The following ATP8A2 variants were observed in gnomAD, a reference collection of about 807,000 sequenced individuals.
ATP8A2 encodes the protein phospholipid-transporting ATPase IB.
In ATP8A2, 100 loss-of-function variants were observed where a neutral mutation model predicts 165.6. The ratio of observed to expected loss-of-function variants is 0.60; its 90% CI spans 0.51 to 0.71. The LOEUF (loss-of-function observed/expected upper bound fraction) is 0.71, where lower values mean the gene tolerates loss of function less well. ATP8A2 is among the 30% of genes least tolerant of loss of function. The pLI is 0.00. For synonymous variants in ATP8A2, 543 were observed against 548.8 expected, an observed-to-expected ratio of 0.99 and a Z score of 0.15; for missense variants, 1,227 against 1,479.5, an observed-to-expected ratio of 0.83 and a Z score of 2.80.
At chr13:25,956,175 C>T (rs1250478036) in intron 33 of ATP8A2, among the ~76,000 whole-genome samples, 1 of 152,168 alleles carries the variant, frequency 6.6e-6, no homozygotes, top group Non-Finnish European at 1.5e-5. Context: ...ACTGAATGGG[C>T]AAAAGCTGGA....
intron 2 of ATP8A2, among the ~76,000 whole-genome samples, chr13:25,519,123 C>T (rs1022810342): frequency 2.0e-5 from 3 of 152,150 alleles, no homozygotes; most frequent in Non-Finnish European, 4.4e-5. Flanking sequence ...GCTCTCCCAC[C>T]TTGGCGTTTC....
At chr13:25,794,021 A>G (rs1950445862) in intron 27 of ATP8A2, among the ~76,000 whole-genome samples, 2 of 152,202 alleles carry the variant, frequency 1.3e-5, no homozygotes, top group Non-Finnish European at 1.5e-5. Context: ...CGTCATCAAT[A>G]CATCATCCCT....
intron 1 of ATP8A2, among the ~76,000 whole-genome samples, chr13:25,386,773 G>A (rs989629060): frequency 1.1e-4 from 16 of 152,160 alleles, no homozygotes; most frequent in Non-Finnish European, 7.4e-5. Flanking sequence ...TGAGGCGGGC[G>A]GATCACAAGG....
At chr13:25,718,387 A>ATT (rs11418446) in intron 25 of ATP8A2, among the ~76,000 whole-genome samples, 4 of 151,474 alleles carry the variant, frequency 2.6e-5, no homozygotes, top group African/African-American at 9.7e-5. Context: ...TTTGCTATTC[A>ATT]TTTTTTTTCC....
chr13:25,374,302 T>A (rs1034703927), intron 1 of ATP8A2, among the ~76,000 whole-genome samples: 3 of 152,186 alleles, frequency 2.0e-5, no homozygotes, highest in Non-Finnish European at 2.9e-5. Context: ...ACTGGTGATC[T>A]TGAAAAGAGC....
chr13:25,850,402 A>G (rs1456028939), intron 30 of ATP8A2, among the ~76,000 whole-genome samples: 1 of 65,534 alleles, frequency 1.5e-5, no homozygotes, highest in African/African-American at 6.3e-5. Context: ...TCATCAGCTC[A>G]CCTTTCCACC....
chr13:25,374,672 T>C (rs184666516), intron 1 of ATP8A2, among the ~76,000 whole-genome samples: 1 of 152,236 alleles, frequency 6.6e-6, no homozygotes, highest in African/African-American at 2.4e-5. Flanking sequence ...TTGCTGATGA[T>C]AGGCTGAAAG....
In ATP8A2 at chr13:25,529,989, G is replaced by T; in HGVS notation, c.222-10G>T. The stretch of plus-strand genomic sequence containing the variant: ...ATAACTGATAGTATTATTTTTCTTT[G>T]CACTTACAGTACGGCCAAGTACAGC... On this transcript the variant is annotated splice_polypyrimidine_tract_variant and intron_variant, in intron 2 of 36. Transcript: ENST00000381655. The T allele has an allele frequency of 6.5e-7, 1 of 1,540,884 alleles. No individual in the cohort carries two copies. Among genetic ancestry groups the T allele is most frequent in the Non-Finnish European group, 8.9e-7 (1 of 1,117,578 alleles).
chr13:25,967,455 G>A (rs1955804413), intron 34 of ATP8A2, among the ~76,000 whole-genome samples: 2 of 152,090 alleles, frequency 1.3e-5, no homozygotes, highest in African/African-American at 4.8e-5. Context: ...GTGGAGGGTG[G>A]GTGAGGTGGT....
In ATP8A2 at chr13:25,983,963, T is replaced by C. The variant is rs74241254; in HGVS notation, c.3377+15284T>C. On this transcript the variant is annotated intron_variant, in intron 35 of 36. Coordinates refer to ENST00000381655, the MANE Select transcript of ATP8A2 (RefSeq NM_016529.6). The stretch of plus-strand genomic sequence containing the variant: ...AAAGTTATCTGGAGCCTGGGTGCAG[T>C]GGCTCACACCTATCATCCAAGCACT... Among the ~76,000 whole-genome samples the C allele has an allele frequency of 7.2e-4, 110 of 152,192 alleles. No individual in the cohort carries two copies. In the East Asian group the frequency reaches 0.021, roughly 28 times the overall value.
intron 24 of ATP8A2, among the ~76,000 whole-genome samples, chr13:25,615,898 C>G (rs1355906119): frequency 6.6e-6 from 1 of 152,130 alleles, no homozygotes; most frequent in Non-Finnish European, 1.5e-5. Context: ...TTAGCTGTCT[C>G]CTGAAGCTCG....
chr13:25,543,254 A>G, intron 9 of ATP8A2, 37 bp from the exon 10 acceptor site: 1 of 1,304,376 alleles, frequency 7.7e-7, no homozygotes, highest in Non-Finnish European at 1.1e-6. Flanking sequence ...TATTTTCCAG[A>G]CTATCATTAA....
intron 24 of ATP8A2, among the ~76,000 whole-genome samples, chr13:25,669,609 G>A (rs551694081): frequency 3.2e-4 from 48 of 152,252 alleles, no homozygotes; most frequent in Non-Finnish European, 4.0e-4. Context: ...CTTCCACAGC[G>A]TATACATTTT....
chr13:25,942,091 TA>T (rs1180963153), intron 33 of ATP8A2, among the ~76,000 whole-genome samples: 1 of 151,778 alleles, frequency 6.6e-6, no homozygotes. Flanking sequence ...ACACTGGGTT[TA>T]AAAAAAAACA....
intron 25 of ATP8A2, among the ~76,000 whole-genome samples, chr13:25,720,700 C>T (rs952914476): frequency 1.3e-5 from 2 of 152,190 alleles, no homozygotes; most frequent in Non-Finnish European, 2.9e-5. Context: ...ATGTGCATTT[C>T]TCCTCATCCT....
chr13:25,814,888 C>T (rs572548073), intron 27 of ATP8A2, among the ~76,000 whole-genome samples: 25 of 152,104 alleles, frequency 1.6e-4, no homozygotes, highest in African/African-American at 4.6e-4. Context: ...GTTGTAGTGG[C>T]GCATTCCTGT....
At chr13:25,986,964 A>G (rs955523419) in intron 35 of ATP8A2, among the ~76,000 whole-genome samples, 2 of 152,226 alleles carry the variant, frequency 1.3e-5, no homozygotes, top group African/African-American at 2.4e-5. Context: ...GTGATCAAAC[A>G]CTGGAGATAA....
intron 1 of ATP8A2, among the ~76,000 whole-genome samples, chr13:25,454,208 G>A (rs1048160151): frequency 3.3e-5 from 5 of 152,180 alleles, no homozygotes; most frequent in Admixed American, 6.5e-5. Context: ...TCTCTTGGCA[G>A]ATGTGATGTG....
intron 27 of ATP8A2, among the ~76,000 whole-genome samples, chr13:25,817,204 T>G (rs77913414): frequency 0.033 from 5,072 of 152,268 alleles, 109 homozygotes; most frequent in South Asian, 0.07. Flanking sequence ...GAATTTGGAC[T>G]GAAGAGTCTA....
Sources: allele counts gnomAD v4.1 joint callset (sites outside exome capture counted in the v4.1 genomes callset), GRCh38; gene constraint gnomAD v4.1.1; transcripts MANE v1.5; gene names NCBI Gene and HGNC (gene_info 2026-07-23, HGNC 2026-07-21).